Variants in BICC1 observed in about 807,000 individuals in gnomAD.
BICC1 encodes BicC family RNA binding protein 1.
A neutral mutation model predicts 111.0 loss-of-function variants in BICC1; 43 were observed. The ratio of observed to expected loss-of-function variants is 0.39; its 90% CI spans 0.30 to 0.50. The LOEUF (loss-of-function observed/expected upper bound fraction) is 0.50, where lower values mean the gene tolerates loss of function less well. Among genes scored for constraint, BICC1 ranks in the 20% least tolerant of loss-of-function variants. The pLI, the probability that BICC1 is intolerant of heterozygous loss-of-function variation, is 0.88. For synonymous variants in BICC1, 467 were observed against 434.4 expected (o/e 1.07, Z -0.93); for missense variants, 1,091 against 1,203.2 (o/e 0.91, Z 1.38).
intron 1 of BICC1, among the ~76,000 whole-genome samples, chr10:58,534,429 A>G (rs907859360): frequency 6.6e-6 from 1 of 151,794 alleles, no homozygotes; most frequent in Non-Finnish European, 1.5e-5. Context: ...TATCACTACT[A>G]CAACGAGCAT....
chr10:58,754,638 T>C (rs1379341021), intron 3 of BICC1, among the ~76,000 whole-genome samples: 1 of 152,178 alleles, frequency 6.6e-6, no homozygotes, highest in African/African-American at 2.4e-5. Flanking sequence ...TCTCATCATT[T>C]CTGGGGTGGG....
chr10:58,689,977 G>T (rs1332134279), intron 2 of BICC1, among the ~76,000 whole-genome samples: 7 of 152,010 alleles, frequency 4.6e-5, no homozygotes, highest in African/African-American at 1.5e-4. Context: ...GACCTGTATG[G>T]GATAAGAAGT....
intron 1 of BICC1, among the ~76,000 whole-genome samples, chr10:58,605,913 T>G (rs1347163629): frequency 2.6e-5 from 4 of 152,252 alleles, no homozygotes; most frequent in Non-Finnish European, 5.9e-5. Flanking sequence ...GAATTTTGTT[T>G]TTCCTGGAGT....
chr10:58,790,462 T>C (rs78469760), intron 8 of BICC1, among the ~76,000 whole-genome samples: 6,345 of 152,318 alleles, frequency 0.042, 225 homozygotes, highest in Middle Eastern at 0.075. Flanking sequence ...AGCAAAGTTA[T>C]ATATTATAAT....
At chr10:58,800,828 A>G in intron 13 of BICC1, 62 bp from the exon 14 acceptor site, 1 of 1,471,858 alleles carries the variant, frequency 6.8e-7, no homozygotes, top group Non-Finnish European at 9.1e-7. Flanking sequence ...CATTGCAGAT[A>G]ATTGTCAACT....
intron 3 of BICC1, among the ~76,000 whole-genome samples, chr10:58,748,920 T>C (rs186504849): frequency 2.3e-4 from 35 of 152,266 alleles, no homozygotes; most frequent in Admixed American, 2.2e-3. Flanking sequence ...GTTTCTCCAT[T>C]ATTTTTAAAC....
chr10:58,531,961 A>G (rs1053931805), intron 1 of BICC1, among the ~76,000 whole-genome samples: 2 of 151,848 alleles, frequency 1.3e-5, no homozygotes, highest in Non-Finnish European at 2.9e-5. Flanking sequence ...TATATGCATT[A>G]CATGAATTTC....
intron 1 of BICC1, among the ~76,000 whole-genome samples, chr10:58,527,007 T>A (rs1372040547): frequency 6.6e-6 from 1 of 152,174 alleles, no homozygotes; most frequent in Non-Finnish European, 1.5e-5. Context: ...CACCACACTG[T>A]CTTCCACAAT....
intron 1 of BICC1, among the ~76,000 whole-genome samples, chr10:58,597,822 C>G (rs1844871295): frequency 6.6e-6 from 1 of 151,996 alleles, no homozygotes; most frequent in African/African-American, 2.4e-5. Context: ...CTCTTTTTGC[C>G]CAACCCCGCA....
chr10:58,802,912 G>T (rs968575240), intron 14 of BICC1, among the ~76,000 whole-genome samples, 165 bp from the exon 15 acceptor site: 10 of 152,196 alleles, frequency 6.6e-5, no homozygotes, highest in Non-Finnish European at 1.2e-4. Context: ...ACAAAGTGGG[G>T]ATAACAGTAG....
intron 2 of BICC1, among the ~76,000 whole-genome samples, chr10:58,665,413 A>C (rs1838977495): frequency 1.3e-5 from 2 of 151,750 alleles, no homozygotes; most frequent in African/African-American, 4.8e-5. Context: ...TTTTCCTCTC[A>C]TATCTTTGGT....
At chr10:58,617,057 G>A (rs1479759920) in intron 1 of BICC1, among the ~76,000 whole-genome samples, 2 of 152,256 alleles carry the variant, frequency 1.3e-5, no homozygotes, top group Non-Finnish European at 2.9e-5. Flanking sequence ...GATAGTTTTG[G>A]CTGGGGCCTT....
intron 1 of BICC1, among the ~76,000 whole-genome samples, chr10:58,524,281 G>A (rs896091044): frequency 5.9e-5 from 9 of 152,068 alleles, no homozygotes; most frequent in African/African-American, 2.2e-4. Context: ...GAGGCACCAC[G>A]CTACCTGACT....
chr10:58,791,581 C>T (rs1416350411), intron 8 of BICC1, among the ~76,000 whole-genome samples: 2 of 152,020 alleles, frequency 1.3e-5, no homozygotes, highest in Non-Finnish European at 2.9e-5. Flanking sequence ...ACTAAAAATA[C>T]ACAGAAAAGT....
intron 3 of BICC1, among the ~76,000 whole-genome samples, chr10:58,762,489 C>T (rs1007669958): frequency 3.3e-5 from 5 of 151,998 alleles, no homozygotes; most frequent in Admixed American, 2.0e-4. Context: ...ATGTGGTCAG[C>T]GTTGTTTTTT....
At chr10:58,575,152 G>A (rs1393541896) in intron 1 of BICC1, among the ~76,000 whole-genome samples, 1 of 151,876 alleles carries the variant, frequency 6.6e-6, no homozygotes, top group African/African-American at 2.4e-5. Context: ...ACGTGCATTA[G>A]GTATTTGTCC....
At chr10:58,616,742 C>T (rs984025455) in intron 1 of BICC1, among the ~76,000 whole-genome samples, 2 of 152,202 alleles carry the variant, frequency 1.3e-5, no homozygotes, top group African/African-American at 4.8e-5. Context: ...GTGGACTTGG[C>T]CAATGCATTC....
chr10:58,696,303 T>C (rs1840063080), intron 2 of BICC1, among the ~76,000 whole-genome samples: 1 of 152,102 alleles, frequency 6.6e-6, no homozygotes, highest in African/African-American at 2.4e-5. Context: ...CATCAGATTT[T>C]TCATGATGAA....
Position 58,796,345 on chromosome 10 carries a change from G to GA in BICC1, c.1186dup (p.Ile396AsnfsTer6). On this transcript the variant is annotated frameshift_variant, in exon 10 of 21. Coordinates refer to ENST00000373886, the MANE Select transcript of BICC1 (RefSeq NM_001080512.3). LOFTEE classifies it high-confidence loss of function. ...CCCATTATGTGTTTTCATAGTCTGT[G>GA]ATTGTGAAAAGTGTTGAGCGAAATG... is the stretch of plus-strand genomic sequence containing the variant. The GA allele has an allele frequency of 6.2e-7, 1 of 1,613,438 alleles. No individual in the cohort carries two copies. Among genetic ancestry groups the GA allele is most frequent in the Non-Finnish European group, 8.5e-7 (1 of 1,179,738 alleles).
Sources: gnomAD v4.1 joint callset for allele counts (sites outside exome capture counted in the v4.1 genomes callset) on GRCh38, gnomAD v4.1.1 for gene constraint, MANE v1.5 for transcripts, NCBI Gene and HGNC (gene_info 2026-07-23, HGNC 2026-07-21) for gene names.